Variants in MAN2B1 observed in about 807,000 individuals in gnomAD.
MAN2B1 encodes the protein lysosomal alpha-mannosidase.
MAN2B1 carries 99 observed loss-of-function variants against 127.5 expected under a neutral mutation model. The observed-to-expected ratio is 0.78, with a 90% confidence interval of 0.66 to 0.92. The LOEUF (loss-of-function observed/expected upper bound fraction) is 0.92. Among genes scored for constraint, MAN2B1 ranks in the 40% least tolerant of loss-of-function variants. The pLI is 0.00. For missense variants in MAN2B1, 1,304 were observed against 1,384.8 expected (o/e 0.94, Z 0.93); for synonymous variants, 573 against 568.8 (o/e 1.01, Z -0.11).
intron 7 of MAN2B1, chr19:12,661,031 A>G (rs1389734684): frequency 2.2e-6 from 1 of 449,136 alleles, no homozygotes; most frequent in Non-Finnish European, 4.2e-6. Flanking sequence ...TGCTGGGATT[A>G]CAGGCATGAG....
intron 4 of MAN2B1, among the ~76,000 whole-genome samples, chr19:12,664,358 C>T (rs781315170): frequency 3.3e-5 from 5 of 152,064 alleles, no homozygotes; most frequent in Non-Finnish European, 7.4e-5. Context: ...CCCAGGTTCA[C>T]CTCCCCAGCA....
At chr19:12,662,358 C>T (rs550558480) in intron 6 of MAN2B1, among the ~76,000 whole-genome samples, 7 of 151,636 alleles carry the variant, frequency 4.6e-5, no homozygotes, top group Non-Finnish European at 7.4e-5. Flanking sequence ...AGGCTGGACG[C>T]GGTGGCTCAC....
At chr19:12,665,588 G>A (rs1168467824) in intron 2 of MAN2B1, 63 bp from the exon 3 acceptor site, 2 of 1,603,944 alleles carry the variant, frequency 1.2e-6, no homozygotes, top group Non-Finnish European at 1.7e-6. Flanking sequence ...TTCCTAGACA[G>A]AGGAGCCCAA....
At chr19:12,666,097 T>C (rs1376644) in intron 1 of MAN2B1, among the ~76,000 whole-genome samples, 1 of 151,944 alleles carries the variant, frequency 6.6e-6, no homozygotes, top group African/African-American at 2.4e-5. Flanking sequence ...CCGTGGGAGG[T>C]GGGGTGATGT....
At chr19:12,654,302 A>T (rs1377407930) in intron 14 of MAN2B1, among the ~76,000 whole-genome samples, 1 of 152,026 alleles carries the variant, frequency 6.6e-6, no homozygotes, top group Non-Finnish European at 1.5e-5. Context: ...TCGGCCTCCC[A>T]AAGTGCTGGG....
At chr19:12,660,698 A>G (rs1218230856) in intron 7 of MAN2B1, among the ~76,000 whole-genome samples, 9 of 151,716 alleles carry the variant, frequency 5.9e-5, no homozygotes. Flanking sequence ...GAGACTGCAG[A>G]AGGAACACAG....
rs774443107 is a variant in MAN2B1 at position 12,647,226 on chromosome 19, G to A, written c.2923+7C>T. ...CACCCCTTCCCTACCCCTGACCAGG[G>A]CCCCACCTGTGTTTGTTGTCCACTT... On this transcript the variant is annotated splice_region_variant and intron_variant, in intron 23 of 23. Coordinates refer to ENST00000456935, the MANE Select transcript of MAN2B1 (RefSeq NM_000528.4). The surrounding 1 kb of genome is among the most constrained non-coding windows in gnomAD (Gnocchi z 4.9). 6.2e-7 allele frequency: 1 copy of A among 1,611,740 alleles called. No individual in the cohort carries two copies. Among genetic ancestry groups the A allele is most frequent in the East Asian group, 2.2e-5 (1 of 44,878 alleles).
rs1365509974 is a variant in MAN2B1, at chr19:12,647,853, G to GGCGGGGCTGAAGCC, written c.2665-269_2665-256dup. On this transcript the variant is annotated intron_variant, in intron 21 of 23. Transcript: ENST00000456935. The surrounding 1 kb of genome is among the most constrained non-coding windows in gnomAD (Gnocchi z 4.9). ...TGTGACCTGAGACTTTGGGAGTTAC[G>GGCGGGGCTGAAGCC]GCGGGGCTGAAGCCGCGGGGCTGGG... Among the ~76,000 whole-genome samples, 1 of 152,014 alleles carries GGCGGGGCTGAAGCC rather than the reference G, an allele frequency of 6.6e-6. No individual in the cohort carries two copies. The highest frequency in any genetic ancestry group is 2.4e-5 in the African/African-American group (1 of 41,402).
In MAN2B1 at chr19:12,655,737, A is replaced by T. The variant is rs769653813; in HGVS notation, c.1787T>A (p.Ile596Asn). ...WKPQARAPQP[I>N]PRRSWSPALT... is the part of the protein sequence containing the mutation. ...AGCAGGGGACCAGGATCTTCTGGGG[A>T]TGGGCTGTGGTGCGCGGGCCTGGGG... Residue 596 changes from isoleucine to asparagine, a missense_variant, in exon 14 of 24, where the codon ATC becomes AAC. Physicochemically the swap from Ile to Asn is moderately radical, Grantham distance 149. Coordinates refer to ENST00000456935, the MANE Select transcript of MAN2B1 (RefSeq NM_000528.4). 1 of 1,608,682 alleles carries T rather than the reference A, an allele frequency of 6.2e-7. No individual in the cohort carries two copies. Among genetic ancestry groups the T allele is most frequent in the South Asian group, 1.1e-5 (1 of 90,820 alleles).
At chr19:12,651,356 G>A (rs1226765021) in intron 16 of MAN2B1, among the ~76,000 whole-genome samples, 3 of 152,056 alleles carry the variant, frequency 2.0e-5, no homozygotes, top group South Asian at 2.1e-4. Context: ...CAAATGTGGC[G>A]GCTGGAGCTT....
chr19:12,664,416 T>G (rs2024178357), intron 4 of MAN2B1, among the ~76,000 whole-genome samples: 1 of 151,912 alleles, frequency 6.6e-6, no homozygotes, highest in Non-Finnish European at 1.5e-5. Context: ...GGTTCCCCCT[T>G]CCACAGCCTG....
At chr19:12,663,235 C>A in intron 6 of MAN2B1, 82 bp downstream of exon 6, 1 of 1,521,966 alleles carries the variant, frequency 6.6e-7, no homozygotes, top group East Asian at 2.3e-5. Flanking sequence ...ATAAGGAGAA[C>A]GTGTTAGGGG....
intron 7 of MAN2B1, among the ~76,000 whole-genome samples, chr19:12,660,362 C>T (rs539670053): frequency 2.0e-5 from 3 of 151,896 alleles, no homozygotes; most frequent in Non-Finnish European, 2.9e-5. Flanking sequence ...ATTAGCTGGG[C>T]GTGGTGGCAC....
chr19:12,652,287 TGA>T lies in MAN2B1; in HGVS notation c.1929-19_1929-18del, dbSNP rs754980913. 24 of 1,611,824 alleles carry T rather than the reference TGA, an allele frequency of 1.5e-5. No individual in the cohort carries two copies. Among genetic ancestry groups the T allele is most frequent in the Middle Eastern group, 1.6e-4 (1 of 6,080 alleles). The stretch of plus-strand genomic sequence containing the variant: ...GCGTTGTACCTGGAGTTGGGGCAGG[TGA>T]GAGTCAGGTAAGGGGCCCTAGCTCC... On this transcript the variant is annotated intron_variant, in intron 15 of 23. Transcript: ENST00000456935.
At chr19:12,653,844 G>A (rs566040177) in intron 14 of MAN2B1, among the ~76,000 whole-genome samples, 2 of 151,676 alleles carry the variant, frequency 1.3e-5, no homozygotes, top group Non-Finnish European at 2.9e-5. Flanking sequence ...TCTCCCTCCC[G>A]AGTAGCTAGG....
At position 12,649,955 on chromosome 19, in the gene MAN2B1, C is replaced by A. The variant is rs370551216; in HGVS notation, c.2225G>T (p.Arg742Leu). 1 of 1,613,484 alleles carries A rather than the reference C, an allele frequency of 6.2e-7. No homozygotes were observed. The highest frequency in any genetic ancestry group is 8.5e-7 in the Non-Finnish European group (1 of 1,179,684). The part of the protein sequence containing the change: ...RFDTPLETKG[R>L]FYTDSNGREI... The stretch of plus-strand genomic sequence containing the variant: ...CCGGCCATTGCTGTCTGTGTAGAAG[C>A]GTCCCTTTGTCTCCAGCGGTGTGTC... The change falls in exon 18 of 24, where the codon CGC (arginine) becomes CTC (leucine). Residue 742 changes from arginine (R) to leucine (L), a missense_variant. By Grantham distance (102) the Arg-to-Leu change is moderately radical. Transcript: ENST00000456935.
Position 12,658,204 on chromosome 19 carries a change from C to G in MAN2B1, c.1230+20G>C. 1 of 1,613,910 alleles carries G rather than the reference C, an allele frequency of 6.2e-7. No individual in the cohort carries two copies. Among genetic ancestry groups the G allele is most frequent in the Non-Finnish European group, 8.5e-7 (1 of 1,179,952 alleles). On this transcript the variant is annotated intron_variant, in intron 9 of 23. Coordinates refer to ENST00000456935, the MANE Select transcript of MAN2B1 (RefSeq NM_000528.4). ...CGGGCCTCGGGGCTGCATGCCCCCTCTAGCCCGGCTCCTACCCACCTGCAG... is the reference window on the plus strand; with the variant it reads ...CGGGCCTCGGGGCTGCATGCCCCCTGTAGCCCGGCTCCTACCCACCTGCAG...
In MAN2B1 at chr19:12,658,487, A is replaced by T; in HGVS notation, c.1050T>A (p.His350Gln). Residue 350 changes from histidine (H) to glutamine (Q), a missense_variant, in exon 8 of 24, where the codon CAT becomes CAA. His to Gln is a conservative substitution (Grantham distance 24). Coordinates refer to ENST00000456935, the MANE Select transcript of MAN2B1 (RefSeq NM_000528.4). ...AACAAGCGGGGGTGGAGTAGAGAACATGGACACTGCTTCCTTTTGCCTGCT... is the reference window on the plus strand; with the variant it reads ...AACAAGCGGGGGTGGAGTAGAGAACTTGGACACTGCTTCCTTTTGCCTGCT... ...NAQQAKGSSV[H>Q]VLYSTPACYL... 6.2e-7 allele frequency: 1 copy of T among 1,614,196 alleles called. No homozygotes were observed. The highest frequency in any genetic ancestry group is 2.2e-5 in the East Asian group (1 of 44,874).
rs1159544785 is a variant in MAN2B1, at chr19:12,647,949, TTGG to T, written c.2664+223_2664+225del. ...TGAAATGGGCGGGGCCGGAGGTGAG[TTGG>T]TGGTTTAGGGGCATGAGCTAGGGCT... On this transcript the variant is annotated intron_variant, in intron 21 of 23. Coordinates refer to ENST00000456935, the MANE Select transcript of MAN2B1 (RefSeq NM_000528.4). This position sits in a 1 kb window ranked among gnomAD's most constrained non-coding sequence, Gnocchi z 4.9. 6.6e-6 allele frequency among the ~76,000 whole-genome samples: 1 copy of T among 150,868 alleles called. No individual in the cohort carries two copies. Among genetic ancestry groups the T allele is most frequent in the Admixed American group, 6.6e-5 (1 of 15,178 alleles).
Sources: allele counts gnomAD v4.1 joint callset (sites outside exome capture counted in the v4.1 genomes callset), GRCh38; gene constraint gnomAD v4.1.1; non-coding constraint Gnocchi (gnomAD v3.1); transcripts MANE v1.5; gene names NCBI Gene and HGNC (gene_info 2026-07-23, HGNC 2026-07-21).